The following DAB1 variants were observed in gnomAD, a reference collection of about 807,000 sequenced individuals.
The protein encoded by DAB1 is disabled homolog 1.
In DAB1, 15 loss-of-function variants were observed where a neutral mutation model predicts 64.6. The ratio of observed to expected loss-of-function variants is 0.23; its 90% confidence interval spans 0.16 to 0.36. The LOEUF is 0.36. Ranked by LOEUF, DAB1 falls within the 10% of genes least tolerant of loss-of-function variation. The probability of loss-of-function intolerance (pLI) is 1.00; values close to 1 mark genes in which losing one functional copy is unlikely to be tolerated. For missense variants in DAB1, 596 were observed against 706.7 expected (o/e 0.84, Z 1.78); for synonymous variants, 235 against 251.9 (o/e 0.93, Z 0.64).
At chr1:57,062,286 C>T (rs112125275) in intron 9 of DAB1, among the ~76,000 whole-genome samples, 3,705 of 152,254 alleles carry the variant, frequency 0.024, 158 homozygotes, top group African/African-American at 0.084. Flanking sequence ...AAAATTTTCA[C>T]GCTTTGGCTG....
intron 2 of DAB1, among the ~76,000 whole-genome samples, chr1:57,230,900 G>A (rs1345086113): frequency 6.6e-6 from 1 of 152,014 alleles, no homozygotes; most frequent in Admixed American, 6.6e-5. Context: ...TGTAAACTAG[G>A]AATAACACAA....
chr1:57,752,504 T>C (rs975690638), intron 6 of DAB1, among the ~76,000 whole-genome samples: 2 of 152,224 alleles, frequency 1.3e-5, no homozygotes, highest in African/African-American at 4.8e-5. Context: ...AATGAATGAA[T>C]TATTCTCTGT....
chr1:58,331,501 T>C (rs972122653), intron 4 of DAB1, among the ~76,000 whole-genome samples: 1 of 152,216 alleles, frequency 6.6e-6, no homozygotes, highest in East Asian at 1.9e-4. Context: ...CAGTATTACA[T>C]GCTACAGAGA....
At chr1:58,333,005 G>A (rs1459144967) in intron 4 of DAB1, among the ~76,000 whole-genome samples, 1 of 152,172 alleles carries the variant, frequency 6.6e-6, no homozygotes, top group African/African-American at 2.4e-5. Context: ...CTGCTCCCGG[G>A]TTCAAGCGAT....
At chr1:57,466,355 C>A (rs1004509107) in intron 7 of DAB1, among the ~76,000 whole-genome samples, 6 of 151,982 alleles carry the variant, frequency 3.9e-5, no homozygotes, top group African/African-American at 1.2e-4. Context: ...CCCTATTTCC[C>A]AAATGATTGA....
Position 57,015,201 on chromosome 1 carries a change from G to C in DAB1, c.1126C>G (p.Pro376Ala), listed in dbSNP as rs200585955. 1.8e-5 allele frequency: 29 copies of C among 1,614,062 alleles called. No individual in the cohort carries two copies. In the African/African-American group the frequency reaches 3.7e-4, roughly 21 times the overall value. The stretch of plus-strand genomic sequence containing the variant: ...AGGGGACCTTGGAACATGGCAGCTG[G>C]CAAAGGCATAACAGTTTGTGTGGGC... Reference protein sequence around the residue: ...FMPTQTVMPLPAAMFQGPLTP... With the variant: ...FMPTQTVMPLAAAMFQGPLTP... The change falls in exon 12 of 15, where the codon CCA becomes GCA. Residue 376 changes from proline (P) to alanine (A), a missense_variant. Physicochemically the swap from Pro to Ala is conservative, Grantham distance 27. This residue lies in a region of DAB1 where 377 missense variants were observed against 400.4 expected (regional missense o/e 0.94). Coordinates refer to ENST00000371236, the MANE Select transcript of DAB1 (RefSeq NM_001365792.1).
At chr1:57,348,171 T>A (rs1678272363) in intron 1 of DAB1, among the ~76,000 whole-genome samples, 1 of 152,156 alleles carries the variant, frequency 6.6e-6, no homozygotes, top group African/African-American at 2.4e-5. Context: ...GAGTGTTTCC[T>A]ATATACCAGG....
intron 3 of DAB1, among the ~76,000 whole-genome samples, chr1:58,365,885 A>C (rs1644211993): frequency 6.6e-6 from 1 of 152,126 alleles, no homozygotes; most frequent in South Asian, 2.1e-4. Flanking sequence ...AACTTGTGAC[A>C]GTTGGTATGA....
At chr1:58,516,685 GT>G (rs1293061566) in intron 2 of DAB1, among the ~76,000 whole-genome samples, 1 of 152,124 alleles carries the variant, frequency 6.6e-6, no homozygotes, top group Non-Finnish European at 1.5e-5. Context: ...GAGTAACATC[GT>G]TTTTGTGAAT....
At chr1:57,170,865 G>A (rs1030192140) in intron 2 of DAB1, among the ~76,000 whole-genome samples, 1 of 152,150 alleles carries the variant, frequency 6.6e-6, no homozygotes, top group East Asian at 1.9e-4. Flanking sequence ...CAGGTGTGAG[G>A]CTTTTGATAC....
intron 5 of DAB1, among the ~76,000 whole-genome samples, chr1:57,923,714 A>C (rs1412910221): frequency 6.6e-6 from 1 of 152,240 alleles, no homozygotes; most frequent in African/African-American, 2.4e-5. Flanking sequence ...ACAGGGCTGA[A>C]ACAAGAACCT....
chr1:57,356,908 G>T (rs1024877222), intron 1 of DAB1, among the ~76,000 whole-genome samples: 1 of 151,896 alleles, frequency 6.6e-6, no homozygotes, highest in Non-Finnish European at 1.5e-5. Flanking sequence ...AACAGCTTGT[G>T]ATGTGCCACT....
Position 58,501,939 on chromosome 1 carries a change from C to T in DAB1, n.257+4121G>A, listed in dbSNP as rs183091433. Among the ~76,000 whole-genome samples, 15 of 152,150 alleles carry T rather than the reference C, an allele frequency of 9.9e-5. No individual in the cohort carries two copies. In the East Asian group the frequency reaches 2.7e-3, roughly 27 times the overall value. Reference sequence around the variant, plus strand: ...CTCCCTCCTCACTGCCCCCCACTCCCGCCCCCAGCACCAAATTTATTATCT... The same window carrying T: ...CTCCCTCCTCACTGCCCCCCACTCCTGCCCCCAGCACCAAATTTATTATCT... On this transcript the variant is annotated intron_variant and non_coding_transcript_variant, in intron 3 of 20. Coordinates refer to the DAB1 transcript ENST00000485760.
At chr1:58,134,861 A>T (rs1224248236) in intron 5 of DAB1, among the ~76,000 whole-genome samples, 1 of 152,162 alleles carries the variant, frequency 6.6e-6, no homozygotes, top group Non-Finnish European at 1.5e-5. Context: ...CCATATCATG[A>T]ATCTAGGAGG....
intron 5 of DAB1, among the ~76,000 whole-genome samples, chr1:58,054,832 G>T (rs1647946163): frequency 6.6e-6 from 1 of 152,188 alleles, no homozygotes; most frequent in African/African-American, 2.4e-5. Context: ...TAAAAACGAG[G>T]CCTTGGAGTT....
chr1:57,596,402 T>C (rs780801889), intron 7 of DAB1, among the ~76,000 whole-genome samples: 3 of 152,224 alleles, frequency 2.0e-5, no homozygotes, highest in Non-Finnish European at 4.4e-5. Context: ...GAACATAAGA[T>C]TGTCTTCCCC....
At chr1:57,911,874 A>G (rs1644649914) in intron 5 of DAB1, among the ~76,000 whole-genome samples, 1 of 152,148 alleles carries the variant, frequency 6.6e-6, no homozygotes. Flanking sequence ...AGCTTCCTGC[A>G]CTTACTAATC....
rs1436493003 is a variant in DAB1, at chr1:58,118,497, T to C, written n.387+32014A>G. 1.6e-3 allele frequency among the ~76,000 whole-genome samples: 135 copies of C among 83,984 alleles called. 1 individual carries two copies. The highest frequency in any genetic ancestry group is 6.7e-3 in the African/African-American group (117 of 17,514). 55.1% of individuals were successfully genotyped at this position (83,984 alleles called of 152,430 possible). A position where few individuals can be genotyped will look rare whatever the true frequency, so the allele number is the denominator to read the frequency against. On this transcript the variant is annotated intron_variant and non_coding_transcript_variant, in intron 5 of 20. Transcript: ENST00000485760. ...ATATATATATATATATATATATATA[T>C]ATATATACACACACACACACACACA...
intron 4 of DAB1, among the ~76,000 whole-genome samples, chr1:57,088,094 G>C (rs989973789): frequency 1.3e-4 from 20 of 152,196 alleles, no homozygotes; most frequent in African/African-American, 4.8e-4. Flanking sequence ...TTTTGAGACA[G>C]AATTTTGCTC....
Sources: allele counts gnomAD v4.1 joint callset (sites outside exome capture counted in the v4.1 genomes callset), GRCh38; gene constraint gnomAD v4.1.1; regional missense constraint gnomAD v4.1.1; transcripts MANE v1.5; gene names NCBI Gene and HGNC (gene_info 2026-07-23, HGNC 2026-07-21).